RALGAPA1: variants seen among roughly 807,000 people sequenced by gnomAD.
RALGAPA1 encodes the protein ral GTPase-activating protein subunit alpha-1.
A neutral mutation model predicts 269.6 loss-of-function variants in RALGAPA1; 52 were observed. The observed-to-expected ratio is 0.19, with a 90% CI of 0.15 to 0.24. RALGAPA1 has a LOEUF of 0.24. Ranked by LOEUF, RALGAPA1 falls within the 10% of genes least tolerant of loss-of-function variation. The probability of loss-of-function intolerance (pLI) is 1.00; values close to 1 mark genes in which losing one functional copy is unlikely to be tolerated. For synonymous variants in RALGAPA1, 817 were observed against 1,008.3 expected (o/e 0.81, Z 3.60); for missense variants, 1,917 against 3,013.9 (o/e 0.64, Z 8.52).
At chr14:35,574,678 C>T (rs2057426582) in intron 37 of RALGAPA1, among the ~76,000 whole-genome samples, 1 of 151,930 alleles carries the variant, frequency 6.6e-6, no homozygotes, top group African/African-American at 2.4e-5. Context: ...CTAATCATTG[C>T]TATGTGTCTT....
At chr14:35,711,489 C>T (rs149637630) in intron 16 of RALGAPA1, among the ~76,000 whole-genome samples, 28 of 152,242 alleles carry the variant, frequency 1.8e-4, no homozygotes, top group African/African-American at 6.5e-4. Flanking sequence ...ATTCTGTCAC[C>T]CAAGTGGGAG....
intron 1 of RALGAPA1, 102 bp from the exon 2 acceptor site, chr14:35,775,847 A>C: frequency 8.8e-7 from 1 of 1,136,490 alleles, no homozygotes; most frequent in Non-Finnish European, 1.2e-6. Context: ...AACTGCTCCT[A>C]AAATTCTATT....
chr14:35,659,230 C>A, intron 27 of RALGAPA1, 34 bp from the exon 28 acceptor site: 3 of 1,500,870 alleles, frequency 2.0e-6, no homozygotes, highest in Non-Finnish European at 2.8e-6. Flanking sequence ...ACGGCAATGA[C>A]TGAGATTTCA....
chr14:35,564,689 T>C (rs1408033301), intron 39 of RALGAPA1, among the ~76,000 whole-genome samples: 1 of 152,186 alleles, frequency 6.6e-6, no homozygotes, highest in Non-Finnish European at 1.5e-5. Context: ...AAAGTATTCT[T>C]TTAAAATGCC....
chr14:35,560,931 T>A (rs1320994205), intron 39 of RALGAPA1, among the ~76,000 whole-genome samples: 1 of 152,124 alleles, frequency 6.6e-6, no homozygotes, highest in African/African-American at 2.4e-5. Flanking sequence ...TGCAGTACTT[T>A]TAAAATACGG....
At chr14:35,685,879 G>A (rs1426388081) in intron 19 of RALGAPA1, among the ~76,000 whole-genome samples, 2 of 152,078 alleles carry the variant, frequency 1.3e-5, no homozygotes, top group Non-Finnish European at 2.9e-5. Context: ...GCGACAAAGC[G>A]ACACTCTGTC....
At position 35,625,377 on chromosome 14, in the gene RALGAPA1, A is replaced by C; in HGVS notation, c.6913T>G (p.Leu2305Val). ...ACAACTTACCACTGCCTTGAATCCA[A>C]GTTCCTAAGTTCTCTAAGTAGCTTT... ...NEKLLRELRN[L>V]DSRQCRETHK... is the part of the protein sequence containing the mutation. The change falls in exon 35 of 42, where the codon TTG (leucine) becomes GTG (valine). Residue 2305 changes from leucine to valine, a missense_variant. Around this residue, in one of 11 missense-constraint regions of RALGAPA1, gnomAD observed 132 missense variants for 271.2 expected, o/e 0.49. Transcript: ENST00000680220. 1 of 1,610,680 alleles carries C rather than the reference A, an allele frequency of 6.2e-7. No homozygotes were observed. Among genetic ancestry groups the C allele is most frequent in the Non-Finnish European group, 8.5e-7 (1 of 1,178,836 alleles).
At chr14:35,583,687 A>C (rs554233201) in intron 37 of RALGAPA1, among the ~76,000 whole-genome samples, 6 of 152,310 alleles carry the variant, frequency 3.9e-5, no homozygotes, top group African/African-American at 1.4e-4. Context: ...AGGGGAAAGA[A>C]AAATTCTTCA....
rs370494853 is a variant in RALGAPA1 at position 35,634,568 on chromosome 14, T to C, written c.5995+6A>G. ...ACAATATTGTCCTGAACAGAATTCA[T>C]GTTACCTTCTGTTACTGGCTGGAGT... On this transcript the variant is annotated splice_donor_region_variant and intron_variant, in intron 33 of 41. Transcript: ENST00000680220. 21 of 1,607,828 alleles carry C rather than the reference T, an allele frequency of 1.3e-5. No individual in the cohort carries two copies. The highest frequency in any genetic ancestry group is 4.5e-5 in the East Asian group (2 of 44,766).
chr14:35,722,662 A>G (rs1277582368), intron 15 of RALGAPA1, among the ~76,000 whole-genome samples: 1 of 151,978 alleles, frequency 6.6e-6, no homozygotes, highest in Non-Finnish European at 1.5e-5. Context: ...TTAAAAACAT[A>G]TATTAATGAT....
At chr14:35,761,033 T>C (rs2073653494) in intron 5 of RALGAPA1, 27 bp from the exon 6 acceptor site, 1 of 1,487,640 alleles carries the variant, frequency 6.7e-7, no homozygotes, top group Non-Finnish European at 9.1e-7. Context: ...ATAGACAGTA[T>C]TTTTATTTAT....
chr14:35,600,237 T>C (rs79679818), intron 36 of RALGAPA1, among the ~76,000 whole-genome samples: 7 of 117,862 alleles, frequency 5.9e-5, no homozygotes, highest in African/African-American at 8.1e-5. Context: ...TTTTTCTTTT[T>C]TTTTTTTTTT....
At chr14:35,557,222 T>A (rs2055710195) in intron 39 of RALGAPA1, among the ~76,000 whole-genome samples, 1 of 150,960 alleles carries the variant, frequency 6.6e-6, no homozygotes, top group South Asian at 2.1e-4. Context: ...AATTATAATG[T>A]CCTCTCATTT....
At chr14:35,609,519 T>C (rs1035884536) in intron 35 of RALGAPA1, among the ~76,000 whole-genome samples, 3 of 152,158 alleles carry the variant, frequency 2.0e-5, no homozygotes, top group African/African-American at 7.2e-5. Flanking sequence ...GAAGTGCTCA[T>C]TGGGAAATTT....
chr14:35,548,725 T>C (rs1177045668), intron 40 of RALGAPA1, among the ~76,000 whole-genome samples, 187 bp from the exon 41 acceptor site: 1 of 152,166 alleles, frequency 6.6e-6, no homozygotes, highest in East Asian at 1.9e-4. Context: ...AGACCAGTTA[T>C]ATTAGCTTTA....
In RALGAPA1 at chr14:35,689,592, A is replaced by G. The variant is rs1398501589; in HGVS notation, c.2819T>C (p.Leu940Pro). ...YIDLEGDDDL[L>P]STLKEYFKEN... is the part of the protein sequence containing the mutation. ...CTTAAAATATTCTTTCAGGGTGGAA[A>G]GAAGATCATCATCTCCTTCAAGGTC... is the stretch of plus-strand genomic sequence containing the variant. The change falls in exon 18 of 42, where the codon CTT (leucine) becomes CCT (proline). Residue 940 changes from leucine (L) to proline (P), a missense_variant. By Grantham distance (98) the Leu-to-Pro change is moderately conservative. This residue lies in a region of RALGAPA1 where 615 missense variants were observed against 790.0 expected (regional missense o/e 0.78). Transcript: ENST00000680220. 1.6e-6 allele frequency: 2 copies of G among 1,242,404 alleles called. No homozygotes were observed. The highest frequency in any genetic ancestry group is 4.2e-5 in the Admixed American group (1 of 24,072). 77.0% of individuals were successfully genotyped at this position (1,242,404 alleles called of 1,614,324 possible). A position where few individuals can be genotyped will look rare whatever the true frequency, so the allele number is the denominator to read the frequency against.
At chr14:35,575,155 C>T (rs1005401547) in intron 37 of RALGAPA1, among the ~76,000 whole-genome samples, 1 of 150,988 alleles carries the variant, frequency 6.6e-6, no homozygotes, top group African/African-American at 2.4e-5. Context: ...GATTGTATAA[C>T]CAGTAGGTTT....
chr14:35,746,671 C>A (rs947929003), intron 10 of RALGAPA1, among the ~76,000 whole-genome samples: 25 of 151,892 alleles, frequency 1.6e-4, no homozygotes, highest in African/African-American at 4.8e-5. Flanking sequence ...AATAGAAGAT[C>A]TGAAAGGGAA....
intron 1 of RALGAPA1, among the ~76,000 whole-genome samples, chr14:35,776,905 C>T (rs114478816): frequency 0.022 from 3,353 of 151,634 alleles, 123 homozygotes; most frequent in South Asian, 0.14. Context: ...TACTATGAAG[C>T]TTTAAAAAAA....
Sources: allele counts gnomAD v4.1 joint callset (sites outside exome capture counted in the v4.1 genomes callset), GRCh38; gene constraint gnomAD v4.1.1; regional missense constraint gnomAD v4.1.1; transcripts MANE v1.5; gene names NCBI Gene and HGNC (gene_info 2026-07-23, HGNC 2026-07-21).